The following FAM13A variants were observed in gnomAD, a reference collection of about 807,000 sequenced individuals.
FAM13A encodes family with sequence similarity 13 member A, also known as protein FAM13A.
In FAM13A, 76 loss-of-function variants were observed where a neutral mutation model predicts 129.6. That is an observed-to-expected ratio of 0.59 (90% CI 0.49 to 0.71). The LOEUF (loss-of-function observed/expected upper bound fraction) is 0.71, where lower values mean the gene tolerates loss of function less well. FAM13A is among the 30% of genes least tolerant of loss of function. The pLI, the probability that FAM13A is intolerant of heterozygous loss-of-function variation, is 0.00. For missense variants in FAM13A, 1,108 were observed against 1,249.3 expected (o/e 0.89, Z 1.70); for synonymous variants, 443 against 449.9 (o/e 0.98, Z 0.20).
rs190456965 is a variant in FAM13A, at chr4:89,030,869, T to C, written c.28-1220A>G. ...ATTCTACAATCTTTGAGTAGGATAC[T>C]TGTAATCTCAATTTGATTTTAAATT... On this transcript the variant is annotated intron_variant, in intron 1 of 23. Transcript: ENST00000264344. 5.9e-5 allele frequency among the ~76,000 whole-genome samples: 9 copies of C among 152,318 alleles called. No homozygotes were observed. In the East Asian group the frequency reaches 1.5e-3, roughly 26 times the overall value.
chr4:88,978,849 C>T (rs1389655998), intron 4 of FAM13A, among the ~76,000 whole-genome samples: 1 of 151,268 alleles, frequency 6.6e-6, no homozygotes, highest in Non-Finnish European at 1.5e-5. Flanking sequence ...AAAGAATTAA[C>T]AAAATCTTTA....
At chr4:88,923,896 T>A (rs1751614041) in intron 5 of FAM13A, among the ~76,000 whole-genome samples, 2 of 152,084 alleles carry the variant, frequency 1.3e-5, no homozygotes, top group African/African-American at 4.8e-5. Flanking sequence ...ACAAGCATTC[T>A]TATACACCAG....
intron 4 of FAM13A, among the ~76,000 whole-genome samples, chr4:88,938,460 G>T (rs1340102952): frequency 6.6e-6 from 1 of 152,128 alleles, no homozygotes; most frequent in Non-Finnish European, 1.5e-5. Context: ...AAAAATATAG[G>T]CTGTTCAGGA....
chr4:88,892,651 C>T lies in FAM13A; in HGVS notation c.843+13728G>A, dbSNP rs562607443. 1.3e-5 allele frequency among the ~76,000 whole-genome samples: 2 copies of T among 152,254 alleles called. 1 individual carries two copies. The highest frequency in any genetic ancestry group is 4.1e-4 in the South Asian group (2 of 4,826). ...TATTTTTTTAAGTGCCAAGATCATA[C>T]TTAAAAGTCAGATGTAGAAATTTTC... On this transcript the variant is annotated intron_variant, in intron 6 of 23. Transcript: ENST00000264344.
intron 7 of FAM13A, among the ~76,000 whole-genome samples, chr4:88,834,908 T>C (rs1734554824): frequency 6.6e-6 from 1 of 152,128 alleles, no homozygotes; most frequent in Non-Finnish European, 1.5e-5. Context: ...TCCATTCCCC[T>C]TCACCCTCCC....
chr4:89,014,249 T>C (rs1766152727), intron 3 of FAM13A, among the ~76,000 whole-genome samples: 1 of 152,218 alleles, frequency 6.6e-6, no homozygotes, highest in South Asian at 2.1e-4. Context: ...TTTTGAACTA[T>C]GTGGTGGGAA....
chr4:89,037,882 G>T (rs939606560), intron 1 of FAM13A, among the ~76,000 whole-genome samples: 2 of 152,150 alleles, frequency 1.3e-5, no homozygotes, highest in Non-Finnish European at 2.9e-5. Context: ...CACTATGGTT[G>T]TAAGTTTCCT....
chr4:88,731,899 C>T (rs910168408), intron 22 of FAM13A, 103 bp downstream of exon 22: 1 of 966,342 alleles, frequency 1.0e-6, no homozygotes, highest in Admixed American at 2.8e-5. Flanking sequence ...CAGGTAGTCA[C>T]TTGTATTTTA....
At chr4:88,942,777 T>A (rs1326998111) in intron 4 of FAM13A, among the ~76,000 whole-genome samples, 2 of 152,146 alleles carry the variant, frequency 1.3e-5, no homozygotes, top group Non-Finnish European at 2.9e-5. Flanking sequence ...AATTGCCTAT[T>A]TTCTTTGAAA....
At chr4:88,813,031 G>C (rs976614228) in intron 7 of FAM13A, among the ~76,000 whole-genome samples, 1 of 152,036 alleles carries the variant, frequency 6.6e-6, no homozygotes, top group Non-Finnish European at 1.5e-5. Flanking sequence ...CTTACTTAAA[G>C]AAAATCATTT....
At chr4:89,033,170 A>AT (rs1220274930) in intron 1 of FAM13A, among the ~76,000 whole-genome samples, 1 of 151,384 alleles carries the variant, frequency 6.6e-6, no homozygotes, top group Non-Finnish European at 1.5e-5. Flanking sequence ...ATTGATTAAA[A>AT]TACCTAGAAA....
chr4:88,996,351 A>G (rs1763538067), intron 3 of FAM13A, among the ~76,000 whole-genome samples: 1 of 152,150 alleles, frequency 6.6e-6, no homozygotes, highest in Non-Finnish European at 1.5e-5. Flanking sequence ...AAGATTACTT[A>G]AGAGGTTACT....
intron 4 of FAM13A, among the ~76,000 whole-genome samples, chr4:88,975,292 G>A (rs1760744314): frequency 6.6e-6 from 1 of 152,164 alleles, no homozygotes; most frequent in African/African-American, 2.4e-5. Flanking sequence ...AGCTGTGCAA[G>A]TAGAAGGTAG....
intron 1 of FAM13A, among the ~76,000 whole-genome samples, chr4:89,049,126 A>G (rs1771228881): frequency 6.6e-6 from 1 of 152,154 alleles, no homozygotes; most frequent in Non-Finnish European, 1.5e-5. Context: ...GGCTGGGTGC[A>G]GTGGCTCATG....
chr4:88,945,990 G>GTGTGTATATATATATATATA lies in FAM13A; in HGVS notation c.606-7750_606-7749insTATATATATATATATACACA. 1.3e-3 allele frequency among the ~76,000 whole-genome samples: 82 copies of GTGTGTATATATATATATATA among 61,866 alleles called. 1 individual carries two copies. The highest frequency in any genetic ancestry group is 2.2e-3 in the African/African-American group (25 of 11,550). 40.6% of individuals were successfully genotyped at this position (61,866 alleles called of 152,430 possible). A position where few individuals can be genotyped will look rare whatever the true frequency, so the allele number is the denominator to read the frequency against. On this transcript the variant is annotated intron_variant, in intron 4 of 23. Transcript: ENST00000264344. ...TGTGTGTGTGTGTGTGTGTGTGTGT[G>GTGTGTATATATATATATATA]TATATATATATATATATATATATAT... is the stretch of plus-strand genomic sequence containing the variant.
chr4:88,854,649 T>C (rs1738188299), intron 6 of FAM13A, among the ~76,000 whole-genome samples: 1 of 152,240 alleles, frequency 6.6e-6, no homozygotes, highest in Admixed American at 6.5e-5. Context: ...ATTCTGCCAC[T>C]GGCTATTTGA....
At chr4:88,803,658 G>C (rs1319298353) in intron 8 of FAM13A, among the ~76,000 whole-genome samples, 1 of 152,168 alleles carries the variant, frequency 6.6e-6, no homozygotes, top group Admixed American at 6.5e-5. Flanking sequence ...CTATGAACCA[G>C]AGTATGCTGA....
At chr4:88,858,954 G>A (rs767628857) in intron 6 of FAM13A, among the ~76,000 whole-genome samples, 29 of 152,170 alleles carry the variant, frequency 1.9e-4, no homozygotes, top group Admixed American at 3.3e-4. Flanking sequence ...CTGACAGGGC[G>A]AATAATGAAA....
At chr4:88,796,303 GTT>G (rs1339164218) in intron 8 of FAM13A, among the ~76,000 whole-genome samples, 7 of 151,852 alleles carry the variant, frequency 4.6e-5, no homozygotes, top group Non-Finnish European at 8.8e-5. Context: ...TTGATTGAAA[GTT>G]TTTGTCATTA....
Sources: gnomAD v4.1 joint callset for allele counts (sites outside exome capture counted in the v4.1 genomes callset) on GRCh38, gnomAD v4.1.1 for gene constraint, MANE v1.5 for transcripts, NCBI Gene and HGNC (gene_info 2026-07-23, HGNC 2026-07-21) for gene names.